Variants in RBCK1 observed in about 807,000 individuals in gnomAD.
The protein encoded by RBCK1 is RANBP2-type and C3HC4-type zinc finger containing 1, also known as ranBP-type and C3HC4-type zinc finger-containing protein 1.
RBCK1 carries 44 observed loss-of-function variants against 71.1 expected under a neutral mutation model. The ratio of observed to expected loss-of-function variants is 0.62; its 90% CI spans 0.49 to 0.80. The LOEUF is 0.80. Ranked by LOEUF, RBCK1 falls within the 30% of genes least tolerant of loss-of-function variation. The probability of loss-of-function intolerance (pLI) is 0.00; values close to 1 mark genes in which losing one functional copy is unlikely to be tolerated. For synonymous variants in RBCK1, 306 were observed against 279.7 expected (o/e 1.09, Z -0.94); for missense variants, 569 against 685.0 (o/e 0.83, Z 1.89).
At chr20:409,378 G>A (rs1202789974) in intron 1 of RBCK1, among the ~76,000 whole-genome samples, 1 of 151,918 alleles carries the variant, frequency 6.6e-6, no homozygotes, top group Non-Finnish European at 1.5e-5. Context: ...CCTCCTTCAG[G>A]TCTTAGCTTC....
In RBCK1 at chr20:419,390, G is replaced by A. The variant is rs2016224077; in HGVS notation, c.504G>A (p.Leu168=). ...KDLTLQPRGP[L]EPGPPKPGVP... is the part of the protein sequence containing the mutation. Reference sequence around the variant, plus strand: ...TCACGCTGCAGCCGCGGGGCCCTCTGGAGCCAGGCCCCCCAAAGCCCGGGG... The same window carrying A: ...TCACGCTGCAGCCGCGGGGCCCTCTAGAGCCAGGCCCCCCAAAGCCCGGGG... Residue 168 remains leucine, a synonymous_variant, in exon 5 of 12, where the codon CTG becomes CTA. Transcript: ENST00000356286. The A allele has an allele frequency of 1.2e-6, 2 of 1,612,514 alleles. No homozygotes were observed. Among genetic ancestry groups the A allele is most frequent in the East Asian group, 4.5e-5 (2 of 44,876 alleles).
chr20:417,146 T>C lies in RBCK1; in HGVS notation c.168-380T>C. 1 of 477,230 alleles carries C rather than the reference T, an allele frequency of 2.1e-6. No homozygotes were observed. The highest frequency in any genetic ancestry group is 4.3e-6 in the Non-Finnish European group (1 of 231,220). The allele number at this position is 477,230 out of a possible 1,614,324, so 29.6% of individuals were successfully genotyped here. A position where few individuals can be genotyped will look rare whatever the true frequency, so the allele number is the denominator to read the frequency against. The stretch of plus-strand genomic sequence containing the variant: ...TGATGGGTTGGTTGAGAGGATTAAA[T>C]GAGTTAATACACATGAAGTGCATTA... On this transcript the variant is annotated intron_variant, in intron 2 of 11. Transcript: ENST00000356286. This position sits in a 1 kb window ranked among gnomAD's most constrained non-coding sequence, Gnocchi z 4.7.
rs2015513680 is a variant in RBCK1, at chr20:408,679, C to T, written c.-79C>T. On this transcript the variant is annotated 5_prime_UTR_variant, in exon 1 of 12. Transcript: ENST00000356286. ...CCTGGCTGAGTTGCTCCTGGTCTCC[C>T]GCCTCTCCCAGGCGACCCGGAGGTA... 6.3e-7 allele frequency: 1 copy of T among 1,579,300 alleles called. No homozygotes were observed. Among genetic ancestry groups the T allele is most frequent in the South Asian group, 1.2e-5 (1 of 86,846 alleles).
At chr20:421,780 G>C (rs180745184) in intron 7 of RBCK1, among the ~76,000 whole-genome samples, 124 of 152,200 alleles carry the variant, frequency 8.1e-4, no homozygotes, top group African/African-American at 2.8e-3. Flanking sequence ...GTGAGGAGTT[G>C]GGATTTGTTC....
chr20:424,398 C>T (rs1451741900), intron 8 of RBCK1, among the ~76,000 whole-genome samples: 1 of 128,338 alleles, frequency 7.8e-6, no homozygotes, highest in African/African-American at 2.6e-5. Context: ...TGGGAGATCC[C>T]CACAAAACAC....
chr20:420,646 T>G, intron 6 of RBCK1: 2 of 757,922 alleles, frequency 2.6e-6, no homozygotes, highest in Non-Finnish European at 2.9e-6. Flanking sequence ...GCCCCGCCCC[T>G]CCCAACCTGC....
At position 417,389 on chromosome 20, in the gene RBCK1, T is replaced by G; in HGVS notation, c.168-137T>G. ...AGCATGGGTGGGGCCTACCCCAGAC[T>G]GGGGTTTGTGTGTGTGTGTGTGTGT... On this transcript the variant is annotated intron_variant, in intron 2 of 11. Coordinates refer to ENST00000356286, the MANE Select transcript of RBCK1 (RefSeq NM_031229.4). This position sits in a 1 kb window ranked among gnomAD's most constrained non-coding sequence, Gnocchi z 4.7. 1 of 822,968 alleles carries G rather than the reference T, an allele frequency of 1.2e-6. No homozygotes were observed. Among genetic ancestry groups the G allele is most frequent in the Non-Finnish European group, 2.1e-6 (1 of 480,270 alleles). The allele number at this position is 822,968 out of a possible 1,614,324, so 51.0% of individuals were successfully genotyped here.
In RBCK1 at chr20:419,576, G is replaced by T. The variant is rs979362975; in HGVS notation, c.601G>T (p.Gly201Trp). ...EPPPVGWQCP[G>W]CTFINKPTRP... ...CTCCCAGGTGGGCTGGCAGTGCCCC[G>T]GGTGCACCTTCATCAACAAGCCCAC... Residue 201 changes from glycine to tryptophan, a missense_variant, in exon 6 of 12, where the codon GGG becomes TGG. By Grantham distance (184) the Gly-to-Trp change is radical. This residue lies in a region of RBCK1 where 358 missense variants were observed against 375.6 expected (regional missense o/e 0.95). Transcript: ENST00000356286. 2.5e-6 allele frequency: 4 copies of T among 1,604,956 alleles called. No individual in the cohort carries two copies. The highest frequency in any genetic ancestry group is 3.4e-6 in the Non-Finnish European group (4 of 1,176,408).
chr20:409,861 C>A lies in RBCK1; in HGVS notation c.23-20C>A, dbSNP rs759462242. 1.9e-6 allele frequency: 3 copies of A among 1,609,930 alleles called. No homozygotes were observed. In the South Asian group the frequency reaches 3.3e-5, roughly 18 times the overall value. ...AAAATAAACCCTGTGCTAACTGGCT[C>A]CTGCTGTACTGGCTTTCAGCAGAGG... On this transcript the variant is annotated intron_variant, in intron 1 of 11. Transcript: ENST00000356286.
intron 2 of RBCK1, among the ~76,000 whole-genome samples, chr20:415,969 C>T (rs1387063231): frequency 6.6e-6 from 1 of 152,186 alleles, no homozygotes; most frequent in Non-Finnish European, 1.5e-5. Context: ...CAGCACCAGG[C>T]TGTGAGGGAG....
In RBCK1 at chr20:417,590, GAT is replaced by G; in HGVS notation, c.235_236del (p.Met79AspfsTer112). 5 of 1,614,018 alleles carry G rather than the reference GAT, an allele frequency of 3.1e-6. No homozygotes were observed. Among genetic ancestry groups the G allele is most frequent in the Non-Finnish European group, 4.2e-6 (5 of 1,179,992 alleles). On this transcript the variant is annotated frameshift_variant, in exon 3 of 12. Coordinates refer to ENST00000356286, the MANE Select transcript of RBCK1 (RefSeq NM_031229.4). LOFTEE classifies it high-confidence loss of function. The surrounding 1 kb of genome is among the most constrained non-coding windows in gnomAD (Gnocchi z 4.7). ...CACCATCTGGCTCACAGTGCGCCCT[GAT>G]ATGACAGTGGCGTCTCTCAAGGACA... ...TVTIWLTVRP[D>X]MTVASLKDMV... is the part of the protein sequence containing the mutation.
chr20:420,204 T>C lies in RBCK1; in HGVS notation c.756+473T>C, dbSNP rs2016299474. The C allele has an allele frequency of 4.1e-6, 4 of 984,992 alleles. No individual in the cohort carries two copies. In the South Asian group the frequency reaches 1.9e-4, roughly 46 times the overall value. The allele number at this position is 984,992 out of a possible 1,614,324, so 61.0% of individuals were successfully genotyped here. On this transcript the variant is annotated intron_variant, in intron 6 of 11. Coordinates refer to ENST00000356286, the MANE Select transcript of RBCK1 (RefSeq NM_031229.4). ...TTCCCTCTCGGGCTGGGCCCACCCCTGACTTCCTGAGAGCCTGGCCTGGAC... is the reference window on the plus strand; with the variant it reads ...TTCCCTCTCGGGCTGGGCCCACCCCCGACTTCCTGAGAGCCTGGCCTGGAC...
At chr20:410,298 G>A (rs189627680) in intron 2 of RBCK1, 8 of 671,166 alleles carry the variant, frequency 1.2e-5, no homozygotes, top group Admixed American at 6.8e-5. Flanking sequence ...AGAAGAAAAC[G>A]GAACAGTGAC....
At chr20:410,127 C>A (rs772467629) in intron 2 of RBCK1, 102 bp downstream of exon 2, 1 of 1,347,478 alleles carries the variant, frequency 7.4e-7, no homozygotes, top group Non-Finnish European at 1.0e-6. Flanking sequence ...TTCAGGAGGC[C>A]TGGCTTCTAA....
chr20:424,634 G>C (rs79669501), intron 8 of RBCK1, among the ~76,000 whole-genome samples: 1 of 152,090 alleles, frequency 6.6e-6, no homozygotes, highest in Non-Finnish European at 1.5e-5. Flanking sequence ...AGGCTCCTTC[G>C]CTCTGGCCTG....
chr20:410,549 T>G, intron 2 of RBCK1: 1 of 779,790 alleles, frequency 1.3e-6, no homozygotes, highest in Admixed American at 1.7e-5. Flanking sequence ...TTAATTCCTG[T>G]GGACCAGAAC....
At chr20:408,936 G>A (rs2015535877) in intron 1 of RBCK1, among the ~76,000 whole-genome samples, 157 bp downstream of exon 1, 1 of 152,212 alleles carries the variant, frequency 6.6e-6, no homozygotes, top group African/African-American at 2.4e-5. Flanking sequence ...GTACCTGCTG[G>A]CTTCCAGAGC....
chr20:413,605 A>G (rs994735003), intron 2 of RBCK1, among the ~76,000 whole-genome samples: 2 of 152,108 alleles, frequency 1.3e-5, no homozygotes, highest in Non-Finnish European at 2.9e-5. Context: ...AAAATGTACA[A>G]TGTCAGCCAC....
intron 2 of RBCK1, among the ~76,000 whole-genome samples, chr20:415,515 A>G (rs1051564113): frequency 1.3e-5 from 2 of 152,000 alleles, no homozygotes; most frequent in Non-Finnish European, 2.9e-5. Flanking sequence ...TCTTCAAATC[A>G]GGAGCCAAAC....
Sources: gnomAD v4.1 joint callset for allele counts (sites outside exome capture counted in the v4.1 genomes callset) on GRCh38, gnomAD v4.1.1 for gene constraint, gnomAD v4.1.1 regional missense constraint, Gnocchi (gnomAD v3.1) non-coding constraint, MANE v1.5 for transcripts, NCBI Gene and HGNC (gene_info 2026-07-23, HGNC 2026-07-21) for gene names.